Variants in ZNF775 observed in about 807,000 individuals in gnomAD.
ZNF775 encodes zinc finger protein 775.
ZNF775 carries 1 observed loss-of-function variant against 2.4 expected under a neutral mutation model. The observed-to-expected ratio is 0.41, with a 90% confidence interval of 0.15 to 1.94. ZNF775 has a LOEUF of 1.94. Ranked by LOEUF, ZNF775 falls within the 30% of genes most tolerant of loss-of-function variation. ZNF775 has a pLI of 0.30. For synonymous variants in ZNF775, 381 were observed against 373.3 expected (o/e 1.02, Z -0.24); for missense variants, 823 against 826.6 (o/e 1.00, Z 0.05).
At position 150,397,685 on chromosome 7, in the gene ZNF775, G is replaced by A. The variant is rs1303694736; in HGVS notation, c.1204G>A (p.Asp402Asn). The A allele has an allele frequency of 1.5e-6, 2 of 1,344,222 alleles. No homozygotes were observed. The highest frequency in any genetic ancestry group is 1.9e-6 in the Non-Finnish European group (2 of 1,054,544). The allele number at this position is 1,344,222 out of a possible 1,614,324, so 83.3% of individuals were successfully genotyped here. A position where few individuals can be genotyped will look rare whatever the true frequency, so the allele number is the denominator to read the frequency against. The change falls in exon 3 of 3, where the codon GAC becomes AAC. Residue 402 changes from aspartate to asparagine, a missense_variant. Asp to Asn is a conservative substitution (Grantham distance 23). Coordinates refer to ENST00000329630, the MANE Select transcript of ZNF775 (RefSeq NM_173680.4). ...CGCCGTTCCGGCCGGGGAACCGGGC[G>A]ACCAGCCGCAGGCCGAGGCCATCCC... is the stretch of plus-strand genomic sequence containing the variant. ...EPAVPAGEPG[D>N]QPQAEAIPGL...
intron 2 of ZNF775, among the ~76,000 whole-genome samples, chr7:150,388,779 G>A (rs531564201): frequency 6.6e-6 from 1 of 152,344 alleles, no homozygotes; most frequent in Non-Finnish European, 1.5e-5. Context: ...AGAAATTGAG[G>A]TGTTATTTAC....
chr7:150,397,976 G>A lies in ZNF775; in HGVS notation c.1495G>A (p.Glu499Lys). The A allele has an allele frequency of 5.0e-6, 8 of 1,597,706 alleles. No homozygotes were observed. Among genetic ancestry groups the A allele is most frequent in the Non-Finnish European group, 6.8e-6 (8 of 1,177,656 alleles). ...LTRHRRNHTG[E>K]RPYLCPACGR... ...GCGGCACCGGCGCAACCACACAGGC[G>A]AGCGGCCCTACCTGTGTCCCGCCTG... The change falls in exon 3 of 3, where the codon GAG becomes AAG. Residue 499 changes from glutamate to lysine, a missense_variant. Transcript: ENST00000329630.
Position 150,397,416 on chromosome 7 carries a change from C to A in ZNF775, c.935C>A (p.Pro312His), listed in dbSNP as rs750575739. ...ACTGGCGAGCGCCCCTATGCGTGCC[C>A]CGAGTGCGGCCGCCGCTTCAGCCAG... is the stretch of plus-strand genomic sequence containing the variant. Reference protein sequence around the residue: ...IHTGERPYACPECGRRFSQKP... With the variant: ...IHTGERPYACHECGRRFSQKP... The change falls in exon 3 of 3, where the codon CCC (proline) becomes CAC (histidine). Residue 312 changes from proline to histidine, a missense_variant. By Grantham distance (77) the Pro-to-His change is moderately conservative. Transcript: ENST00000329630. 6.3e-7 allele frequency: 1 copy of A among 1,596,512 alleles called. No homozygotes were observed. The highest frequency in any genetic ancestry group is 2.2e-5 in the East Asian group (1 of 44,470).
Position 150,397,145 on chromosome 7 carries a change from G to A in ZNF775, c.664G>A (p.Ala222Thr), listed in dbSNP as rs1185794260. 2 of 1,486,184 alleles carry A rather than the reference G, an allele frequency of 1.3e-6. No homozygotes were observed. Among genetic ancestry groups the A allele is most frequent in the Non-Finnish European group, 1.8e-6 (2 of 1,128,506 alleles). The allele number at this position is 1,486,184 out of a possible 1,614,324, so 92.1% of individuals were successfully genotyped here. A position where few individuals can be genotyped will look rare whatever the true frequency, so the allele number is the denominator to read the frequency against. ...AHARDRQGSRAGLHELIQDAA... is the reference protein window; with the variant it reads ...AHARDRQGSRTGLHELIQDAA... ...CGCCCGGGACCGCCAGGGCTCCCGC[G>A]CCGGCCTGCACGAGCTGATTCAGGA... The change falls in exon 3 of 3, where the codon GCC becomes ACC. Residue 222 changes from alanine to threonine, a missense_variant. Coordinates refer to ENST00000329630, the MANE Select transcript of ZNF775 (RefSeq NM_173680.4).
At position 150,384,443 on chromosome 7, in the gene ZNF775, G is replaced by C. The variant is rs756066413; in HGVS notation, c.-49-3979G>C. 3.3e-5 allele frequency among the ~76,000 whole-genome samples: 5 copies of C among 152,244 alleles called. No individual in the cohort carries two copies. Among genetic ancestry groups the C allele is most frequent in the Non-Finnish European group, 7.3e-5 (5 of 68,044 alleles). Reference sequence around the variant, plus strand: ...GGTTAGGAGGGGCCCGCCATGCACAGAGCAGAGTGAAAGGCAGAATAGGAG... The same window carrying C: ...GGTTAGGAGGGGCCCGCCATGCACACAGCAGAGTGAAAGGCAGAATAGGAG... On this transcript the variant is annotated intron_variant, in intron 1 of 2. Transcript: ENST00000329630. The surrounding 1 kb of genome is among the most constrained non-coding windows in gnomAD (Gnocchi z 4.1).
At chr7:150,389,011 C>A (rs540029785) in intron 2 of ZNF775, among the ~76,000 whole-genome samples, 8 of 152,210 alleles carry the variant, frequency 5.3e-5, no homozygotes, top group African/African-American at 1.9e-4. Flanking sequence ...AAAGTTTGCC[C>A]GCACAGTCAT....
chr7:150,397,504 C>T lies in ZNF775; in HGVS notation c.1023C>T (p.His341=). The change falls in exon 3 of 3, where the codon CAC becomes CAT. Residue 341 remains histidine (H), a synonymous_variant. Coordinates refer to ENST00000329630, the MANE Select transcript of ZNF775 (RefSeq NM_173680.4). The part of the protein sequence containing the change: ...HTGERPHPCP[H]CGRGFRQKQH... Reference sequence around the variant, plus strand: ...GCGAGCGCCCGCACCCCTGCCCGCACTGTGGCCGCGGCTTCCGCCAGAAGC... The same window carrying T: ...GCGAGCGCCCGCACCCCTGCCCGCATTGTGGCCGCGGCTTCCGCCAGAAGC... The T allele has an allele frequency of 6.3e-7, 1 of 1,575,312 alleles. No individual in the cohort carries two copies. Among genetic ancestry groups the T allele is most frequent in the Non-Finnish European group, 8.6e-7 (1 of 1,167,864 alleles).
rs6964468 is a variant in ZNF775 at position 150,381,778 on chromosome 7, C to T, written c.-50+2386C>T. Among the ~76,000 whole-genome samples the T allele has an allele frequency of 7.0e-3, 1,064 of 152,206 alleles. 15 individuals carry two copies. Among genetic ancestry groups the T allele is most frequent in the African/African-American group, 0.024 (990 of 41,528 alleles). On this transcript the variant is annotated intron_variant, in intron 1 of 2. Transcript: ENST00000329630. Reference sequence around the variant, plus strand: ...GGGTTGGACAGTGGCCCGCCCTTTCCCTTGGCTCCCCTCCTCTGTTCCCTC... The same window carrying T: ...GGGTTGGACAGTGGCCCGCCCTTTCTCTTGGCTCCCCTCCTCTGTTCCCTC...
Position 150,398,017 on chromosome 7 carries a change from C to T in ZNF775, c.1536C>T (p.Ser512=). The T allele has an allele frequency of 6.3e-7, 1 of 1,582,656 alleles. No homozygotes were observed. Among genetic ancestry groups the T allele is most frequent in the African/African-American group, 1.3e-5 (1 of 74,570 alleles). The stretch of plus-strand genomic sequence containing the variant: ...GTCCCGCCTGCGGCCGCGGCTTCAG[C>T]CAGAAGCAGCACCTGCTCAAGCACC... ...YLCPACGRGF[S]QKQHLLKHQR... is the part of the protein sequence containing the mutation. The change falls in exon 3 of 3, where the codon AGC becomes AGT. Residue 512 remains serine (S), a synonymous_variant. Coordinates refer to ENST00000329630, the MANE Select transcript of ZNF775 (RefSeq NM_173680.4).
Position 150,398,215 on chromosome 7 carries a change from CT to C in ZNF775, c.*122del, listed in dbSNP as rs1270968954. The C allele has an allele frequency of 3.5e-6, 5 of 1,425,692 alleles. No homozygotes were observed. In the East Asian group the frequency reaches 1.3e-4, roughly 36 times the overall value. The allele number at this position is 1,425,692 out of a possible 1,614,324, so 88.3% of individuals were successfully genotyped here. ...CCCTTAGAGCGGGACCGGTGGATTC[CT>C]TAAGGCTCTGAAGGGCTGAGAACAG... On this transcript the variant is annotated 3_prime_UTR_variant, in exon 3 of 3. Coordinates refer to ENST00000329630, the MANE Select transcript of ZNF775 (RefSeq NM_173680.4).
Position 150,398,149 on chromosome 7 carries a change from T to C in ZNF775, c.*54T>C. On this transcript the variant is annotated 3_prime_UTR_variant, in exon 3 of 3. Coordinates refer to ENST00000329630, the MANE Select transcript of ZNF775 (RefSeq NM_173680.4). ...GTGCGGGGGATGTTTGCGGGGTGTGTGTGGGGAGTGGGGGTGGCCAGGATT... is the reference window on the plus strand; with the variant it reads ...GTGCGGGGGATGTTTGCGGGGTGTGCGTGGGGAGTGGGGGTGGCCAGGATT... The C allele has an allele frequency of 6.6e-7, 1 of 1,526,246 alleles. No individual in the cohort carries two copies. Among genetic ancestry groups the C allele is most frequent in the Admixed American group, 2.1e-5 (1 of 47,688 alleles). 94.5% of individuals were successfully genotyped at this position (1,526,246 alleles called of 1,614,324 possible).
At chr7:150,386,498 C>G (rs1475886273) in intron 1 of ZNF775, among the ~76,000 whole-genome samples, 2 of 152,120 alleles carry the variant, frequency 1.3e-5, no homozygotes, top group African/African-American at 4.8e-5. Flanking sequence ...GTGTGTGCCC[C>G]CAGTGTCTGG....
At position 150,397,475 on chromosome 7, in the gene ZNF775, A is replaced by T; in HGVS notation, c.994A>T (p.Thr332Ser). Residue 332 changes from threonine to serine, a missense_variant, in exon 3 of 3, where the codon ACA (threonine) becomes TCA (serine). Coordinates refer to ENST00000329630, the MANE Select transcript of ZNF775 (RefSeq NM_173680.4). The stretch of plus-strand genomic sequence containing the variant: ...CTTGACGCGGCACCTGCGCAACCAC[A>T]CAGGCGAGCGCCCGCACCCCTGCCC... ...PNLTRHLRNH[T>S]GERPHPCPHC... 6.3e-7 allele frequency: 1 copy of T among 1,590,168 alleles called. No individual in the cohort carries two copies. Among genetic ancestry groups the T allele is most frequent in the Non-Finnish European group, 8.5e-7 (1 of 1,174,038 alleles).
At chr7:150,394,728 G>A (rs1800619627) in intron 2 of ZNF775, among the ~76,000 whole-genome samples, 1 of 127,276 alleles carries the variant, frequency 7.9e-6, no homozygotes, top group Admixed American at 9.2e-5. Flanking sequence ...CAGAAATAAT[G>A]TTGAATTTTA....
chr7:150,380,605 C>T (rs1009478369), intron 1 of ZNF775, among the ~76,000 whole-genome samples: 2 of 152,104 alleles, frequency 1.3e-5, no homozygotes, highest in Non-Finnish European at 2.9e-5. Flanking sequence ...TCAAGAGCCA[C>T]GAGAGGATGG....
At position 150,385,216 on chromosome 7, in the gene ZNF775, G is replaced by A. The variant is rs115668551; in HGVS notation, c.-49-3206G>A. On this transcript the variant is annotated intron_variant, in intron 1 of 2. Coordinates refer to ENST00000329630, the MANE Select transcript of ZNF775 (RefSeq NM_173680.4). The stretch of plus-strand genomic sequence containing the variant: ...TGCTCGCCTTTTCTCTGCACCACAA[G>A]CAGGTTCTGTAAGAAACCATGGTAG... 3.0e-3 allele frequency among the ~76,000 whole-genome samples: 452 copies of A among 152,346 alleles called. 1 individual carries two copies. Among genetic ancestry groups the A allele is most frequent in the African/African-American group, 0.01 (428 of 41,582 alleles).
At chr7:150,388,396 C>G (rs1480469492) in intron 1 of ZNF775, 26 bp from the exon 2 acceptor site, 3 of 1,540,464 alleles carry the variant, frequency 1.9e-6, no homozygotes, top group Non-Finnish European at 2.6e-6. Flanking sequence ...GGCCCATTCT[C>G]TTTCTTCTGC....
chr7:150,387,560 T>TC (rs1800475406), intron 1 of ZNF775, among the ~76,000 whole-genome samples: 1 of 152,074 alleles, frequency 6.6e-6, no homozygotes, highest in African/African-American at 2.4e-5. Flanking sequence ...ACGCCTGTAA[T>TC]CCCAGCACTT....
chr7:150,396,778 G>T lies in ZNF775; in HGVS notation c.297G>T (p.Ser99=), dbSNP rs769955554. 2.5e-6 allele frequency: 4 copies of T among 1,593,336 alleles called. No individual in the cohort carries two copies. The Admixed American group carries it at 7.0e-5, about 28-fold the overall frequency. ...CAGCCTCCGGCCCCCTGAGCCCCTC[G>T]CTTTCCTCCGGCGAGGGTCACTTTG... The part of the protein sequence containing the change: ...PGSASGPLSP[S]LSSGEGHFVC... Residue 99 remains serine (S), a synonymous_variant, in exon 3 of 3, where the codon TCG becomes TCT. Transcript: ENST00000329630.
Sources: gnomAD v4.1 joint callset for allele counts (sites outside exome capture counted in the v4.1 genomes callset) on GRCh38, gnomAD v4.1.1 for gene constraint, Gnocchi (gnomAD v3.1) non-coding constraint, MANE v1.5 for transcripts, NCBI Gene and HGNC (gene_info 2026-07-23, HGNC 2026-07-21) for gene names.